HACD2: variants seen among roughly 807,000 people sequenced by gnomAD.
HACD2 encodes the protein very-long-chain (3R)-3-hydroxyacyl-CoA dehydratase 2.
A neutral mutation model predicts 31.0 loss-of-function variants in HACD2; 15 were observed. The ratio of observed to expected loss-of-function variants is 0.48; its 90% CI spans 0.32 to 0.75. The LOEUF is 0.75. Among genes scored for constraint, HACD2 ranks in the 30% least tolerant of loss-of-function variants. HACD2 has a pLI of 0.03. For missense variants in HACD2, 283 were observed against 313.0 expected, an observed-to-expected ratio of 0.90 and a Z score of 0.72; for synonymous variants, 115 against 122.2, an observed-to-expected ratio of 0.94 and a Z score of 0.39.
In HACD2 at chr3:123,491,824, A is replaced by T. The variant is rs2055766006; in HGVS notation, c.*3064T>A. On this transcript the variant is annotated 3_prime_UTR_variant, in exon 7 of 7. Transcript: ENST00000383657. ...CAAAAATGACTATATATACGGTTGTACAATTTTTTACCCAAATTTCAAAGG... is the reference window on the plus strand; with the variant it reads ...CAAAAATGACTATATATACGGTTGTTCAATTTTTTACCCAAATTTCAAAGG... The T allele has an allele frequency of 6.6e-6, 1 of 152,644 alleles. No individual in the cohort carries two copies. Among genetic ancestry groups the T allele is most frequent in the Non-Finnish European group, 1.5e-5 (1 of 68,042 alleles). 9.5% of individuals were successfully genotyped at this position (152,644 alleles called of 1,614,324 possible). A position where few individuals can be genotyped will look rare whatever the true frequency, so the allele number is the denominator to read the frequency against.
chr3:123,564,207 C>A (rs2056767806), intron 3 of HACD2, among the ~76,000 whole-genome samples: 1 of 152,204 alleles, frequency 6.6e-6, no homozygotes, highest in African/African-American at 2.4e-5. Context: ...TGTGTGCACC[C>A]AGGAGCAGAC....
chr3:123,491,825 C>G lies in HACD2; in HGVS notation c.*3063G>C, dbSNP rs539702975. The G allele has an allele frequency of 1.3e-4, 20 of 152,634 alleles. No individual in the cohort carries two copies. The highest frequency in any genetic ancestry group is 6.2e-4 in the South Asian group (3 of 4,820). 9.5% of individuals were successfully genotyped at this position (152,634 alleles called of 1,614,324 possible). On this transcript the variant is annotated 3_prime_UTR_variant, in exon 7 of 7. Transcript: ENST00000383657. ...AAAAATGACTATATATACGGTTGTACAATTTTTTACCCAAATTTCAAAGGA... is the reference window on the plus strand; with the variant it reads ...AAAAATGACTATATATACGGTTGTAGAATTTTTTACCCAAATTTCAAAGGA...
rs577632783 is a variant in HACD2 at position 123,494,052 on chromosome 3, C to T, written c.*836G>A. The T allele has an allele frequency of 6.6e-6, 1 of 152,230 alleles. No individual in the cohort carries two copies. Among genetic ancestry groups the T allele is most frequent in the African/African-American group, 2.4e-5 (1 of 41,456 alleles). The allele number at this position is 152,230 out of a possible 1,614,324, so 9.4% of individuals were successfully genotyped here. A position where few individuals can be genotyped will look rare whatever the true frequency, so the allele number is the denominator to read the frequency against. On this transcript the variant is annotated 3_prime_UTR_variant, in exon 7 of 7. Coordinates refer to ENST00000383657, the MANE Select transcript of HACD2 (RefSeq NM_198402.5). ...ATCAGTGCATCAGTGAGAATAGCTACTGGCAAACACGTTACTCAGAGGTGT... is the reference window on the plus strand; with the variant it reads ...ATCAGTGCATCAGTGAGAATAGCTATTGGCAAACACGTTACTCAGAGGTGT...
intron 2 of HACD2, among the ~76,000 whole-genome samples, chr3:123,574,035 C>G (rs1037748112): frequency 5.3e-5 from 8 of 152,192 alleles, no homozygotes; most frequent in African/African-American, 1.9e-4. Flanking sequence ...ATCAAGGTCA[C>G]AGGGCTAATT....
At chr3:123,553,238 T>C (rs2056638760) in intron 3 of HACD2, among the ~76,000 whole-genome samples, 1 of 152,138 alleles carries the variant, frequency 6.6e-6, no homozygotes, top group Admixed American at 6.5e-5. Flanking sequence ...AGTTTTATGA[T>C]AAAAAGACCA....
Position 123,545,139 on chromosome 3 carries a change from G to T in HACD2, c.293-16665C>A, listed in dbSNP as rs1392123646. On this transcript the variant is annotated intron_variant, in intron 3 of 6. Coordinates refer to ENST00000383657, the MANE Select transcript of HACD2 (RefSeq NM_198402.5). ...CTTCTTTAGTACTTTGGTACTAGCT[G>T]TTTTTTTTTTTTTTTTAAACAATGT... Among the ~76,000 whole-genome samples, 112 of 132,398 alleles carry T rather than the reference G, an allele frequency of 8.5e-4. 1 individual carries two copies. Among genetic ancestry groups the T allele is most frequent in the African/African-American group, 2.8e-3 (103 of 36,238 alleles). 86.9% of individuals were successfully genotyped at this position (132,398 alleles called of 152,430 possible).
At chr3:123,517,100 A>G (rs1291044427) in intron 4 of HACD2, among the ~76,000 whole-genome samples, 1 of 152,212 alleles carries the variant, frequency 6.6e-6, no homozygotes, top group Admixed American at 6.5e-5. Flanking sequence ...GGAAAAATTC[A>G]ATTTATTGAG....
At chr3:123,511,283 C>G (rs1661894022) in intron 4 of HACD2, among the ~76,000 whole-genome samples, 1 of 152,062 alleles carries the variant, frequency 6.6e-6, no homozygotes, top group Non-Finnish European at 1.5e-5. Flanking sequence ...AGAATTTGAA[C>G]CCAAGGTATG....
intron 4 of HACD2, among the ~76,000 whole-genome samples, chr3:123,524,498 A>T (rs965642745): frequency 6.6e-6 from 1 of 152,202 alleles, no homozygotes; most frequent in Non-Finnish European, 1.5e-5. Flanking sequence ...TGATGTGTAC[A>T]TCTGATGTAC....
At chr3:123,532,561 T>C (rs1013154586) in intron 3 of HACD2, among the ~76,000 whole-genome samples, 1 of 152,202 alleles carries the variant, frequency 6.6e-6, no homozygotes, top group Non-Finnish European at 1.5e-5. Context: ...CCAGGCACAG[T>C]GGCTTACGCC....
At chr3:123,542,597 A>T (rs2056506766) in intron 3 of HACD2, among the ~76,000 whole-genome samples, 1 of 152,286 alleles carries the variant, frequency 6.6e-6, no homozygotes. Context: ...CAACGGCATA[A>T]GCCAAAGACT....
Position 123,582,261 on chromosome 3 carries a change from T to C in HACD2, c.224A>G (p.Tyr75Cys). 1 of 1,608,752 alleles carries C rather than the reference T, an allele frequency of 6.2e-7. No homozygotes were observed. The highest frequency in any genetic ancestry group is 8.5e-7 in the Non-Finnish European group (1 of 1,177,438). The change falls in exon 2 of 7, where the codon TAT becomes TGT. Residue 75 changes from tyrosine (Y) to cysteine (C), a missense_variant. By Grantham distance (194) the Tyr-to-Cys change is radical. This residue lies in a region of HACD2 where 158 missense variants were observed against 148.3 expected (regional missense o/e 1.07). Coordinates refer to ENST00000383657, the MANE Select transcript of HACD2 (RefSeq NM_198402.5). The part of the protein sequence containing the change: ...LAKGSYHSLY[Y>C]SIEKPLKFFQ... Reference sequence around the variant, plus strand: ...GAATTTCAAAGGCTTTTCAATTGAATAATAAAGGCTATGGTAGCTACCCTT... The same window carrying C: ...GAATTTCAAAGGCTTTTCAATTGAACAATAAAGGCTATGGTAGCTACCCTT...
intron 2 of HACD2, among the ~76,000 whole-genome samples, chr3:123,570,959 G>A (rs926760480): frequency 8.5e-6 from 1 of 117,896 alleles, no homozygotes; most frequent in African/African-American, 4.0e-5. Flanking sequence ...CACACACACA[G>A]GCAATAATAT....
intron 3 of HACD2, among the ~76,000 whole-genome samples, chr3:123,547,828 C>A (rs1471571705): frequency 6.6e-6 from 1 of 151,876 alleles, no homozygotes; most frequent in South Asian, 2.1e-4. Context: ...GCATCAGGCC[C>A]GGATCTACAT....
intron 4 of HACD2, among the ~76,000 whole-genome samples, chr3:123,517,407 C>T (rs1240940966): frequency 6.6e-6 from 1 of 152,176 alleles, no homozygotes; most frequent in Non-Finnish European, 1.5e-5. Flanking sequence ...CAACTATTAC[C>T]TTCAACTCAA....
chr3:123,551,651 A>G (rs1439500287), intron 3 of HACD2, among the ~76,000 whole-genome samples: 1 of 151,868 alleles, frequency 6.6e-6, no homozygotes, highest in Non-Finnish European at 1.5e-5. Flanking sequence ...AAAAATTAAT[A>G]ATAAATACTT....
intron 3 of HACD2, among the ~76,000 whole-genome samples, chr3:123,550,556 C>T (rs1303421799): frequency 3.3e-5 from 5 of 152,190 alleles, no homozygotes; most frequent in African/African-American, 1.2e-4. Context: ...GACAGAGAAG[C>T]AGAGGGCAAA....
In HACD2 at chr3:123,536,703, C is replaced by A. The variant is rs777225502; in HGVS notation, c.293-8229G>T. Among the ~76,000 whole-genome samples, 66 of 152,068 alleles carry A rather than the reference C, an allele frequency of 4.3e-4. 1 individual carries two copies. Among genetic ancestry groups the A allele is most frequent in the Non-Finnish European group, 8.4e-4 (57 of 67,952 alleles). The stretch of plus-strand genomic sequence containing the variant: ...AAAATAATACTTCAGAGATCCAGAC[C>A]AAAAAAATTACCTATAAAGTAGTAA... On this transcript the variant is annotated intron_variant, in intron 3 of 6. Coordinates refer to ENST00000383657, the MANE Select transcript of HACD2 (RefSeq NM_198402.5).
intron 4 of HACD2, among the ~76,000 whole-genome samples, chr3:123,516,690 T>A (rs1193616952): frequency 6.6e-6 from 1 of 152,214 alleles, no homozygotes. Context: ...AGTAAACTTT[T>A]CTGAACATGC....
Sources: gnomAD v4.1 joint callset for allele counts (sites outside exome capture counted in the v4.1 genomes callset) on GRCh38, gnomAD v4.1.1 for gene constraint, gnomAD v4.1.1 regional missense constraint, MANE v1.5 for transcripts, NCBI Gene and HGNC (gene_info 2026-07-23, HGNC 2026-07-21) for gene names.